The following XRN1 variants were observed in gnomAD, a reference collection of about 807,000 sequenced individuals.
XRN1 encodes strand-exchange protein 1 homolog.
A neutral mutation model predicts 222.3 loss-of-function variants in XRN1; 67 were observed. The observed-to-expected ratio is 0.30, with a 90% CI of 0.25 to 0.37. The LOEUF is 0.37. Ranked by LOEUF, XRN1 falls within the 10% of genes least tolerant of loss-of-function variation. The pLI is 1.00. For missense variants in XRN1, 1,707 were observed against 2,000.2 expected (o/e 0.85, Z 2.80); for synonymous variants, 643 against 652.4 (o/e 0.99, Z 0.22).
At chr3:142,375,673 A>G in intron 25 of XRN1, 125 bp downstream of exon 25, 1 of 942,904 alleles carries the variant, frequency 1.1e-6, no homozygotes, top group Middle Eastern at 3.6e-4. Context: ...TTAAGTTTAC[A>G]TGTAACATAT....
chr3:142,423,784 C>G (rs1470057737), intron 5 of XRN1, 142 bp from the exon 6 acceptor site: 1 of 617,122 alleles, frequency 1.6e-6, no homozygotes, highest in Non-Finnish European at 2.6e-6. Flanking sequence ...AAAATATGAT[C>G]TATTTGTAGG....
Position 142,403,855 on chromosome 3 carries a change from AAAT to A in XRN1, c.2004+11_2004+13del, listed in dbSNP as rs756915819. 13 of 1,612,500 alleles carry A rather than the reference AAAT, an allele frequency of 8.1e-6. No individual in the cohort carries two copies. In the South Asian group the frequency reaches 1.3e-4, roughly 16 times the overall value. Reference sequence around the variant, plus strand: ...TAATAAAGTGAAAAAATTCTGAACTAAATAGCCACTGACTTTGTGTCTGATGTG... The same window carrying A: ...TAATAAAGTGAAAAAATTCTGAACTAAGCCACTGACTTTGTGTCTGATGTG... On this transcript the variant is annotated intron_variant, in intron 17 of 40. Transcript: ENST00000392981.
intron 33 of XRN1, among the ~76,000 whole-genome samples, chr3:142,340,268 T>C (rs1261562708): frequency 1.3e-5 from 2 of 151,858 alleles, no homozygotes; most frequent in Non-Finnish European, 2.9e-5. Context: ...GGCAGGAGAA[T>C]TGCTTGAACC....
intron 35 of XRN1, 131 bp downstream of exon 35, chr3:142,332,836 C>T (rs1302635460): frequency 6.5e-6 from 9 of 1,382,746 alleles, no homozygotes; most frequent in Non-Finnish European, 8.7e-6. Context: ...CTGGTTTCCT[C>T]ACAAGATGAC....
chr3:142,332,060 G>C (rs1358753184), intron 36 of XRN1, among the ~76,000 whole-genome samples: 1 of 152,126 alleles, frequency 6.6e-6, no homozygotes, highest in Non-Finnish European at 1.5e-5. Context: ...ACAGGCATGA[G>C]CCACACCTGG....
intron 1 of XRN1, among the ~76,000 whole-genome samples, chr3:142,436,827 C>G (rs1202512548): frequency 6.6e-6 from 1 of 152,080 alleles, no homozygotes; most frequent in Non-Finnish European, 1.5e-5. Context: ...TACGTATCTG[C>G]ATAGAAAAGT....
At chr3:142,326,642 C>T (rs1426164720) in intron 37 of XRN1, among the ~76,000 whole-genome samples, 1 of 152,032 alleles carries the variant, frequency 6.6e-6, no homozygotes, top group Non-Finnish European at 1.5e-5. Context: ...TGTCTAATTG[C>T]TCTGGCAAGG....
In XRN1 at chr3:142,335,412, A is replaced by C. The variant is rs369667413; in HGVS notation, c.3939+36T>G. The C allele has an allele frequency of 6.3e-5, 101 of 1,594,738 alleles. 1 individual carries two copies. In the African/African-American group the frequency reaches 1.2e-3, roughly 19 times the overall value. On this transcript the variant is annotated intron_variant, in intron 34 of 40. Transcript: ENST00000392981. Reference sequence around the variant, plus strand: ...ACAGAGCCACCAATTGCATTAAAAAATTGGTAACTAGAAATTTGATTTTAA... The same window carrying C: ...ACAGAGCCACCAATTGCATTAAAAACTTGGTAACTAGAAATTTGATTTTAA...
chr3:142,424,118 CAG>C (rs1462260867), intron 5 of XRN1, among the ~76,000 whole-genome samples: 2 of 150,910 alleles, frequency 1.3e-5, no homozygotes, highest in Non-Finnish European at 3.0e-5. Flanking sequence ...TTTTTTGAGA[CAG>C]AGTCTCGCTC....
At chr3:142,370,334 T>C (rs529107389) in intron 27 of XRN1, 151 bp downstream of exon 27, 2 of 1,011,222 alleles carry the variant, frequency 2.0e-6, no homozygotes, top group Admixed American at 7.6e-5. Context: ...TATAAATGGT[T>C]AGAACTTTTT....
rs2064987340 is a variant in XRN1 at position 142,307,274 on chromosome 3, T to C, written c.*4237A>G. ...ACAGCATGAGAATTTGGCTTCAAAT[T>C]ACTAAAACAGCTACAGAAACCTATT... On this transcript the variant is annotated 3_prime_UTR_variant, in exon 41 of 41. Transcript: ENST00000392981. 1 of 152,148 alleles carries C rather than the reference T, an allele frequency of 6.6e-6. No homozygotes were observed. The highest frequency in any genetic ancestry group is 2.4e-5 in the African/African-American group (1 of 41,430). The allele number at this position is 152,148 out of a possible 1,614,324, so 9.4% of individuals were successfully genotyped here. A position where few individuals can be genotyped will look rare whatever the true frequency, so the allele number is the denominator to read the frequency against.
At chr3:142,424,636 AC>A (rs1038154086) in intron 5 of XRN1, among the ~76,000 whole-genome samples, 3 of 152,194 alleles carry the variant, frequency 2.0e-5, no homozygotes, top group Admixed American at 6.5e-5. Context: ...TCTTAAAAAA[AC>A]ACCTTAATCC....
At chr3:142,320,095 G>C (rs2065312717) in intron 37 of XRN1, among the ~76,000 whole-genome samples, 1 of 152,168 alleles carries the variant, frequency 6.6e-6, no homozygotes, top group African/African-American at 2.4e-5. Flanking sequence ...ATACCCAGAA[G>C]TGAGATTGCT....
intron 25 of XRN1, among the ~76,000 whole-genome samples, chr3:142,374,799 G>A (rs2067091717): frequency 6.6e-6 from 1 of 152,180 alleles, no homozygotes; most frequent in Admixed American, 6.5e-5. Flanking sequence ...ATTGTGTCCT[G>A]CCCCACTCAG....
At chr3:142,427,248 C>T (rs990913101) in intron 2 of XRN1, among the ~76,000 whole-genome samples, 2 of 151,936 alleles carry the variant, frequency 1.3e-5, no homozygotes. Flanking sequence ...CAAAAGGATC[C>T]CTTGAGCCCA....
Position 142,359,786 on chromosome 3 carries a change from CAAAT to C in XRN1, c.3464+72_3464+75del, listed in dbSNP as rs1577287874. 12 of 1,160,556 alleles carry C rather than the reference CAAAT, an allele frequency of 1.0e-5. No homozygotes were observed. In the East Asian group the frequency reaches 2.7e-4, roughly 26 times the overall value. The allele number at this position is 1,160,556 out of a possible 1,614,324, so 71.9% of individuals were successfully genotyped here. A position where few individuals can be genotyped will look rare whatever the true frequency, so the allele number is the denominator to read the frequency against. The stretch of plus-strand genomic sequence containing the variant: ...ACATCCCACAAACTGAAATTGTAAA[CAAAT>C]AAAAAGTAATGTAAAGTCACTGGCC... On this transcript the variant is annotated intron_variant, in intron 30 of 40. Coordinates refer to ENST00000392981, the MANE Select transcript of XRN1 (RefSeq NM_001282857.2).
At position 142,311,085 on chromosome 3, in the gene XRN1, CA is replaced by C. The variant is rs1337550826; in HGVS notation, c.*425del. The C allele has an allele frequency of 6.5e-6, 1 of 153,026 alleles. No homozygotes were observed. Among genetic ancestry groups the C allele is most frequent in the Non-Finnish European group, 1.5e-5 (1 of 68,382 alleles). 9.5% of individuals were successfully genotyped at this position (153,026 alleles called of 1,614,324 possible). A position where few individuals can be genotyped will look rare whatever the true frequency, so the allele number is the denominator to read the frequency against. On this transcript the variant is annotated 3_prime_UTR_variant, in exon 41 of 41. Coordinates refer to ENST00000392981, the MANE Select transcript of XRN1 (RefSeq NM_001282857.2). ...CATTCAGTAAGTTATACTGGAGGCC[CA>C]AATTTCATGCTCCATGTAATTATTC...
intron 20 of XRN1, among the ~76,000 whole-genome samples, chr3:142,388,235 C>G (rs1348279880): frequency 1.3e-5 from 2 of 151,766 alleles, no homozygotes; most frequent in African/African-American, 4.9e-5. Context: ...AAGATGAAAA[C>G]TGTTATGATC....
Position 142,447,860 on chromosome 3 carries a change from G to C in XRN1, c.75+10C>G. On this transcript the variant is annotated intron_variant, in intron 1 of 40. Coordinates refer to ENST00000392981, the MANE Select transcript of XRN1 (RefSeq NM_001282857.2). The surrounding 1 kb of genome is among the most constrained non-coding windows in gnomAD (Gnocchi z 4.2). ...TCGGCTTTCTGAGCCGTTGCCCCTC[G>C]CTCACCCACCTGATGCTCTTTCACC... 6.2e-7 allele frequency: 1 copy of C among 1,612,834 alleles called. No homozygotes were observed. The highest frequency in any genetic ancestry group is 1.1e-5 in the South Asian group (1 of 90,968).
Sources: gnomAD v4.1 joint callset for allele counts (sites outside exome capture counted in the v4.1 genomes callset) on GRCh38, gnomAD v4.1.1 for gene constraint, Gnocchi (gnomAD v3.1) non-coding constraint, MANE v1.5 for transcripts, NCBI Gene and HGNC (gene_info 2026-07-23, HGNC 2026-07-21) for gene names.